The following MYLK variants were observed in gnomAD, a reference collection of about 807,000 sequenced individuals.
MYLK encodes myosin light chain kinase, smooth muscle.
In MYLK, 106 loss-of-function variants were observed where a neutral mutation model predicts 203.4. The ratio of observed to expected loss-of-function variants is 0.52; its 90% CI spans 0.45 to 0.61. The LOEUF (loss-of-function observed/expected upper bound fraction) is 0.61. Among genes scored for constraint, MYLK ranks in the 20% least tolerant of loss-of-function variants. MYLK has a pLI of 0.00. For synonymous variants in MYLK, 867 were observed against 959.5 expected (o/e 0.90, Z 1.78); for missense variants, 2,072 against 2,442.3 (o/e 0.85, Z 3.20).
At chr3:123,693,823 C>G (rs1301518084) in intron 18 of MYLK, among the ~76,000 whole-genome samples, 1 of 152,228 alleles carries the variant, frequency 6.6e-6, no homozygotes, top group South Asian at 2.1e-4. Flanking sequence ...TTCTTGCTTT[C>G]AGATGCACAA....
At chr3:123,650,632 A>T (rs1268945838) in intron 24 of MYLK, among the ~76,000 whole-genome samples, 1 of 152,204 alleles carries the variant, frequency 6.6e-6, no homozygotes, top group Admixed American at 6.5e-5. Flanking sequence ...AGGATGAGAT[A>T]GACAGGGACA....
At chr3:123,877,885 A>G (rs2033265039) in intron 1 of MYLK, among the ~76,000 whole-genome samples, 1 of 152,238 alleles carries the variant, frequency 6.6e-6, no homozygotes, top group African/African-American at 2.4e-5. Flanking sequence ...GAATGGACTC[A>G]GTACTTGGCT....
intron 15 of MYLK, 105 bp from the exon 16 acceptor site, chr3:123,708,108 A>G: frequency 1.3e-6 from 2 of 1,500,806 alleles, no homozygotes; most frequent in Non-Finnish European, 1.8e-6. Context: ...ATGTCACCCA[A>G]GTAACAGATT....
intron 31 of MYLK, among the ~76,000 whole-genome samples, chr3:123,626,004 G>C (rs943180893): frequency 3.3e-5 from 5 of 152,118 alleles, no homozygotes; most frequent in Non-Finnish European, 7.4e-5. Flanking sequence ...TGACCCTTCT[G>C]CTTATTAGCT....
intron 20 of MYLK, among the ~76,000 whole-genome samples, chr3:123,670,970 G>A (rs1286929519): frequency 5.3e-5 from 8 of 152,210 alleles, no homozygotes; most frequent in African/African-American, 1.9e-4. Context: ...AGTCAGGCTG[G>A]GCTAGAGGTC....
chr3:123,645,002 C>T (rs1409035107), intron 27 of MYLK, among the ~76,000 whole-genome samples: 1 of 152,120 alleles, frequency 6.6e-6, no homozygotes, highest in African/African-American at 2.4e-5. Flanking sequence ...GCCAGGCTTC[C>T]TGAATACTAG....
At chr3:123,835,223 A>G (rs1277699672) in intron 2 of MYLK, among the ~76,000 whole-genome samples, 1 of 152,204 alleles carries the variant, frequency 6.6e-6, no homozygotes, top group African/African-American at 2.4e-5. Context: ...TGTGGGGCTG[A>G]GAAACCTGCG....
chr3:123,657,686 A>T (rs1479700767), intron 23 of MYLK, among the ~76,000 whole-genome samples: 2 of 152,210 alleles, frequency 1.3e-5, no homozygotes, highest in African/African-American at 4.8e-5. Context: ...GTCTACATGC[A>T]AGTCACGATT....
intron 4 of MYLK, among the ~76,000 whole-genome samples, chr3:123,769,981 A>G (rs1226177054): frequency 6.6e-6 from 1 of 152,104 alleles, no homozygotes; most frequent in Non-Finnish European, 1.5e-5. Context: ...TAATCCTGGG[A>G]GTATACATAT....
At chr3:123,726,801 C>T (rs1869865) in intron 11 of MYLK, among the ~76,000 whole-genome samples, 1 of 152,052 alleles carries the variant, frequency 6.6e-6, no homozygotes, top group African/African-American at 2.4e-5. Context: ...AGTTTGGGGA[C>T]CTTAATTAAG....
At chr3:123,774,756 AGAAT>A (rs762945732) in intron 4 of MYLK, among the ~76,000 whole-genome samples, 48 of 152,230 alleles carry the variant, frequency 3.2e-4, no homozygotes, top group Non-Finnish European at 6.5e-4. Context: ...AGAAAGGCCT[AGAAT>A]GAAACCGGCC....
chr3:123,614,217 G>T lies in MYLK; in HGVS notation c.5633C>A (p.Ala1878Asp). Residue 1878 changes from alanine (A) to aspartate (D), a missense_variant, in exon 34 of 34, where the codon GCC becomes GAC. Ala to Asp is a moderately radical substitution (Grantham distance 126, BLOSUM62 -2). Transcript: ENST00000360304. ...GTTGACAGCCTTGCAGGTGTACTTG[G>T]CATCGTCATCCCCGCAAACATCACT... is the stretch of plus-strand genomic sequence containing the variant. Reference protein sequence around the residue: ...IISDVCGDDDAKYTCKAVNSL... With the variant: ...IISDVCGDDDDKYTCKAVNSL... 1.2e-6 allele frequency: 2 copies of T among 1,613,972 alleles called. No individual in the cohort carries two copies. Among genetic ancestry groups the T allele is most frequent in the Non-Finnish European group, 1.7e-6 (2 of 1,180,006 alleles).
At chr3:123,883,333 C>T (rs1053589366) in intron 1 of MYLK, among the ~76,000 whole-genome samples, 4 of 152,222 alleles carry the variant, frequency 2.6e-5, no homozygotes, top group African/African-American at 9.6e-5. Flanking sequence ...ACCCAGCTCC[C>T]TGAATCACAA....
intron 4 of MYLK, among the ~76,000 whole-genome samples, chr3:123,788,400 T>A (rs1052210753): frequency 1.4e-4 from 21 of 151,864 alleles, no homozygotes; most frequent in East Asian, 3.9e-4. Context: ...TTTTTTTTTT[T>A]AATTATACTT....
chr3:123,613,269 G>A lies in MYLK; in HGVS notation c.*836C>T, dbSNP rs762006037. The A allele has an allele frequency of 1.3e-5, 2 of 152,066 alleles. No homozygotes were observed. Among genetic ancestry groups the A allele is most frequent in the South Asian group, 2.1e-4 (1 of 4,822 alleles). 9.4% of individuals were successfully genotyped at this position (152,066 alleles called of 1,614,324 possible). Reference sequence around the variant, plus strand: ...TCAAACACAAAAATCTTTACCACACGTTCAGAGCTGATATTCTATAACAGC... The same window carrying A: ...TCAAACACAAAAATCTTTACCACACATTCAGAGCTGATATTCTATAACAGC... On this transcript the variant is annotated 3_prime_UTR_variant, in exon 34 of 34. Coordinates refer to ENST00000360304, the MANE Select transcript of MYLK (RefSeq NM_053025.4).
chr3:123,763,678 A>C (rs556880168), intron 4 of MYLK, among the ~76,000 whole-genome samples: 1 of 152,276 alleles, frequency 6.6e-6, no homozygotes, highest in Admixed American at 6.5e-5. Flanking sequence ...CTGATCCATC[A>C]TCTGTGAACT....
At position 123,653,986 on chromosome 3, in the gene MYLK, TTGTGTGTGTGTGTGTGTG is replaced by T. The variant is rs752791805; in HGVS notation, c.4288+3122_4288+3139del. ...CCACTCTGCTCATTTCAGAGGGATG[TTGTGTGTGTGTGTGTGTG>T]TGTGTGTGTGTGTGTGTGTGTGTGT... On this transcript the variant is annotated intron_variant, in intron 24 of 33. Coordinates refer to ENST00000360304, the MANE Select transcript of MYLK (RefSeq NM_053025.4). Among the ~76,000 whole-genome samples, 5 of 137,756 alleles carry T rather than the reference TTGTGTGTGTGTGTGTGTG, an allele frequency of 3.6e-5. No homozygotes were observed. In the East Asian group the frequency reaches 8.6e-4, roughly 24 times the overall value. The allele number at this position is 137,756 out of a possible 152,430, so 90.4% of individuals were successfully genotyped here.
intron 4 of MYLK, among the ~76,000 whole-genome samples, chr3:123,754,263 T>C (rs9837215): frequency 0.068 from 10,396 of 152,262 alleles, 393 homozygotes; most frequent in South Asian, 0.085. Flanking sequence ...CCCTCTTTGA[T>C]TATTCCATAT....
intron 13 of MYLK, among the ~76,000 whole-genome samples, chr3:123,714,883 C>T (rs1443687419): frequency 6.6e-6 from 1 of 152,100 alleles, no homozygotes; most frequent in South Asian, 2.1e-4. Context: ...AGCACAATGA[C>T]TAAGAATAAG....
Sources: allele counts gnomAD v4.1 joint callset (sites outside exome capture counted in the v4.1 genomes callset), GRCh38; gene constraint gnomAD v4.1.1; transcripts MANE v1.5; gene names NCBI Gene and HGNC (gene_info 2026-07-23, HGNC 2026-07-21).